DLG2: variants seen among roughly 807,000 people sequenced by gnomAD.
DLG2 encodes discs large MAGUK scaffold protein 2, also known as disks large homolog 2.
A neutral mutation model predicts 132.5 loss-of-function variants in DLG2; 45 were observed. The ratio of observed to expected loss-of-function variants is 0.34; its 90% CI spans 0.27 to 0.44. The LOEUF is 0.44. Ranked by LOEUF, DLG2 falls within the 20% of genes least tolerant of loss-of-function variation. The pLI is 1.00. For synonymous variants in DLG2, 424 were observed against 419.6 expected, an observed-to-expected ratio of 1.01 and a Z score of -0.13; for missense variants, 1,045 against 1,196.9, an observed-to-expected ratio of 0.87 and a Z score of 1.87.
At chr11:85,066,125 T>G (rs947461156) in intron 6 of DLG2, among the ~76,000 whole-genome samples, 1 of 151,616 alleles carries the variant, frequency 6.6e-6, no homozygotes, top group Non-Finnish European at 1.5e-5. Context: ...ACATCACAAC[T>G]AATAACTCAG....
intron 21 of DLG2, among the ~76,000 whole-genome samples, chr11:83,510,608 A>G (rs1416329449): frequency 6.6e-6 from 1 of 152,054 alleles, no homozygotes; most frequent in East Asian, 1.9e-4. Context: ...ATGCAGTAGG[A>G]GAGTGGAAGG....
intron 7 of DLG2, among the ~76,000 whole-genome samples, chr11:84,312,634 T>C: frequency 6.6e-6 from 1 of 152,184 alleles, no homozygotes; most frequent in East Asian, 1.9e-4. Context: ...CAGCACTCTC[T>C]GAAATTTTGC....
At chr11:84,574,718 C>T (rs568015887) in intron 6 of DLG2, among the ~76,000 whole-genome samples, 1 of 152,304 alleles carries the variant, frequency 6.6e-6, no homozygotes, top group Admixed American at 6.5e-5. Flanking sequence ...GACCATTGAT[C>T]ATCATCTCCG....
chr11:84,775,774 A>G (rs994689957), intron 6 of DLG2, among the ~76,000 whole-genome samples: 1 of 152,160 alleles, frequency 6.6e-6, no homozygotes, highest in Admixed American at 6.6e-5. Context: ...GCAAGGTTGA[A>G]AAACTAACTA....
chr11:84,928,982 G>GTGTGTGTCTATATATA (rs1400906684), intron 6 of DLG2, among the ~76,000 whole-genome samples: 1 of 49,130 alleles, frequency 2.0e-5, no homozygotes, highest in Admixed American at 2.9e-4. Flanking sequence ...GTGTGTGTGT[G>GTGTGTGTCTATATATA]TATATATATA....
rs772452316 is a variant in DLG2, at chr11:85,598,708, C to A, written c.-12G>T. 6.3e-7 allele frequency: 1 copy of A among 1,578,068 alleles called. No homozygotes were observed. The highest frequency in any genetic ancestry group is 1.8e-5 in the Admixed American group (1 of 54,206). ...TTAAAGATACCCATCACCTTTTTAA[C>A]CGCATTTTTCAACAGCTGCTCCTCT... On this transcript the variant is annotated 5_prime_UTR_variant, in exon 3 of 28. Transcript: ENST00000376104.
chr11:83,902,992 T>G (rs1368155491), intron 15 of DLG2, among the ~76,000 whole-genome samples: 1 of 152,162 alleles, frequency 6.6e-6, no homozygotes, highest in African/African-American at 2.4e-5. Flanking sequence ...TCTATGATCA[T>G]AGCACCGTCC....
intron 7 of DLG2, among the ~76,000 whole-genome samples, chr11:84,276,350 T>A (rs1278640918): frequency 6.6e-6 from 1 of 152,212 alleles, no homozygotes. Context: ...CCCACTTTCA[T>A]AAGTTCTAAA....
intron 6 of DLG2, among the ~76,000 whole-genome samples, chr11:84,957,856 T>A (rs1591824055): frequency 6.6e-6 from 1 of 152,220 alleles, no homozygotes; most frequent in South Asian, 2.1e-4. Context: ...GAAAGCCACA[T>A]GCTAACAAAA....
chr11:84,733,040 T>C (rs1157324141), intron 6 of DLG2, among the ~76,000 whole-genome samples: 2 of 152,202 alleles, frequency 1.3e-5, no homozygotes, highest in African/African-American at 4.8e-5. Flanking sequence ...CAATCTATCA[T>C]TGTTGGACAT....
At chr11:83,987,004 G>T (rs1280361970) in intron 11 of DLG2, among the ~76,000 whole-genome samples, 2 of 152,066 alleles carry the variant, frequency 1.3e-5, no homozygotes, top group Non-Finnish European at 2.9e-5. Context: ...CTCCCATTTT[G>T]TAGGTTGCCT....
intron 18 of DLG2, among the ~76,000 whole-genome samples, chr11:83,687,982 G>A (rs1326670368): frequency 2.0e-5 from 3 of 151,300 alleles, no homozygotes; most frequent in Non-Finnish European, 4.4e-5. Flanking sequence ...CACTTGTGTT[G>A]CCTGGGTGAC....
At chr11:84,209,948 C>T (rs776507612) in intron 8 of DLG2, among the ~76,000 whole-genome samples, 1 of 152,130 alleles carries the variant, frequency 6.6e-6, no homozygotes, top group Admixed American at 6.5e-5. Flanking sequence ...AAACATAACA[C>T]CTATCTAAGG....
intron 18 of DLG2, among the ~76,000 whole-genome samples, chr11:83,749,667 T>C (rs2093172516): frequency 6.6e-6 from 1 of 152,156 alleles, no homozygotes; most frequent in African/African-American, 2.4e-5. Context: ...TAAGATGCAA[T>C]TTCAAATCCT....
chr11:85,280,984 A>G (rs1179502117), intron 4 of DLG2, among the ~76,000 whole-genome samples: 1 of 152,070 alleles, frequency 6.6e-6, no homozygotes, highest in Admixed American at 6.6e-5. Flanking sequence ...TATGATATCA[A>G]CAACATATTA....
intron 6 of DLG2, among the ~76,000 whole-genome samples, chr11:84,594,370 A>G (rs1480596942): frequency 6.6e-6 from 1 of 152,236 alleles, no homozygotes; most frequent in Non-Finnish European, 1.5e-5. Flanking sequence ...TTTATTGAGC[A>G]TCTTCTATGT....
intron 6 of DLG2, among the ~76,000 whole-genome samples, chr11:84,535,654 TTC>T (rs2099353633): frequency 1.3e-5 from 2 of 152,304 alleles, no homozygotes; most frequent in African/African-American, 4.8e-5. Context: ...TCCATCCTAT[TTC>T]TGTGTCTTTT....
At chr11:85,089,074 A>G (rs536380288) in intron 6 of DLG2, among the ~76,000 whole-genome samples, 10 of 152,300 alleles carry the variant, frequency 6.6e-5, no homozygotes, top group Admixed American at 5.9e-4. Context: ...TGAGGGTCCA[A>G]AGTCTCCCAG....
intron 6 of DLG2, among the ~76,000 whole-genome samples, chr11:85,050,540 C>A (rs933715403): frequency 6.6e-6 from 1 of 152,080 alleles, no homozygotes; most frequent in African/African-American, 2.4e-5. Flanking sequence ...TCTCATTCCA[C>A]TCCTCTCATG....
Sources: allele counts gnomAD v4.1 joint callset (sites outside exome capture counted in the v4.1 genomes callset), GRCh38; gene constraint gnomAD v4.1.1; transcripts MANE v1.5; gene names NCBI Gene and HGNC (gene_info 2026-07-23, HGNC 2026-07-21).